Variants in GLMP observed in about 807,000 individuals in gnomAD.
The protein encoded by GLMP is glycosylated lysosomal membrane protein, also known as kidney lysosomal membrane protein.
A neutral mutation model predicts 39.2 loss-of-function variants in GLMP; 36 were observed. The ratio of observed to expected loss-of-function variants is 0.92; its 90% CI spans 0.70 to 1.21. GLMP has a LOEUF of 1.21. Ranked by LOEUF, GLMP falls within the 50% of genes most tolerant of loss-of-function variation. The pLI is 0.00. For missense variants in GLMP, 454 were observed against 505.6 expected (o/e 0.90, Z 0.98); for synonymous variants, 220 against 218.9 (o/e 1.01, Z -0.04).
intron 1 of GLMP, chr1:156,295,229 G>A: frequency 3.4e-6 from 4 of 1,193,176 alleles, no homozygotes; most frequent in Non-Finnish European, 4.4e-6. Context: ...GGTACAGCCA[G>A]GACTCCCCTG....
Position 156,293,421 on chromosome 1 carries a change from A to G in GLMP, c.954T>C (p.Ile318=). ...TCTGGGACCCAAAGAAGGCTCGGAC[A>G]ATGGGTGACTGGGGAAGAGAGTATG... The part of the protein sequence containing the change: ...ALAYSLPQSP[I]VRAFFGSQNN... Residue 318 remains isoleucine (I), a synonymous_variant, in exon 5 of 6, where the codon ATT becomes ATC. Transcript: ENST00000362007. 1 of 1,614,192 alleles carries G rather than the reference A, an allele frequency of 6.2e-7. No individual in the cohort carries two copies. Among genetic ancestry groups the G allele is most frequent in the South Asian group, 1.1e-5 (1 of 91,086 alleles).
At chr1:156,294,728 CTT>C (rs771534839) in intron 2 of GLMP, 29 bp downstream of exon 2, 10 of 1,548,170 alleles carry the variant, frequency 6.5e-6, no homozygotes, top group Non-Finnish European at 8.7e-6. Flanking sequence ...CCTCTGCACT[CTT>C]CTCCTTGGTT....
Position 156,294,912 on chromosome 1 carries a change from C to G in GLMP, c.225G>C (p.Leu75=). The G allele has an allele frequency of 6.2e-7, 1 of 1,612,938 alleles. No homozygotes were observed. The highest frequency in any genetic ancestry group is 8.5e-7 in the Non-Finnish European group (1 of 1,179,570). The change falls in exon 2 of 6, where the codon CTG becomes CTC. Residue 75 remains leucine, a synonymous_variant. Transcript: ENST00000362007. Reference sequence around the variant, plus strand: ...CCACCATTACCACTGCCAGAGGCCCCAGGCTGCTCCACACATAGTGCAGTG... The same window carrying G: ...CCACCATTACCACTGCCAGAGGCCCGAGGCTGCTCCACACATAGTGCAGTG... The part of the protein sequence containing the change: ...NSTLHYVWSS[L]GPLAVVMVAT...
chr1:156,295,092 G>C (rs1663556441), intron 1 of GLMP, 76 bp from the exon 2 acceptor site: 3 of 1,235,670 alleles, frequency 2.4e-6, no homozygotes, highest in East Asian at 2.4e-5. Context: ...CTTGAGGGGA[G>C]GGGGGCTTGG....
At chr1:156,295,279 A>C (rs757282504) in intron 1 of GLMP, 7 of 1,339,130 alleles carry the variant, frequency 5.2e-6, no homozygotes, top group Non-Finnish European at 6.7e-6. Context: ...TGCGAAGAAG[A>C]AAACATTCAA....
chr1:156,293,080 G>C lies in GLMP; in HGVS notation c.1185C>G (p.His395Gln). 6.2e-7 allele frequency: 1 copy of C among 1,614,126 alleles called. No individual in the cohort carries two copies. Among genetic ancestry groups the C allele is most frequent in the Non-Finnish European group, 8.5e-7 (1 of 1,180,032 alleles). Reference sequence around the variant, plus strand: ...ACTGGTACTCTGAGTACTTCTTGTGGTGCAGCAGCAGAACCAAGCCGCCCC... The same window carrying C: ...ACTGGTACTCTGAGTACTTCTTGTGCTGCAGCAGCAGAACCAAGCCGCCCC... ...LLGGGLVLLL[H>Q]HKKYSEYQSI... is the part of the protein sequence containing the mutation. The change falls in exon 6 of 6, where the codon CAC becomes CAG. Residue 395 changes from histidine (H) to glutamine (Q), a missense_variant. By Grantham distance (24) the His-to-Gln change is conservative (BLOSUM62 0). Transcript: ENST00000362007.
Position 156,292,938 on chromosome 1 carries a change from A to C in GLMP, c.*106T>G, listed in dbSNP as rs931313391. The C allele has an allele frequency of 2.1e-6, 3 of 1,429,086 alleles. No individual in the cohort carries two copies. Among genetic ancestry groups the C allele is most frequent in the Non-Finnish European group, 2.8e-6 (3 of 1,054,432 alleles). The allele number at this position is 1,429,086 out of a possible 1,614,324, so 88.5% of individuals were successfully genotyped here. On this transcript the variant is annotated 3_prime_UTR_variant, in exon 6 of 6. Transcript: ENST00000362007. ...GCCTCTGAGGTTCCACAGAAAAGCA[A>C]GATGGGGGAGTGAAGGGGCCGGCTG...
chr1:156,292,765 C>G lies in GLMP; in HGVS notation c.*279G>C. ...TCAGAATGCCTCTCATTTAGGCCTG[C>G]AAGTCCCATCCAAGGGAAATGTGTG... On this transcript the variant is annotated 3_prime_UTR_variant, in exon 6 of 6. Transcript: ENST00000362007. The G allele has an allele frequency of 2.3e-6, 1 of 433,244 alleles. No homozygotes were observed. The highest frequency in any genetic ancestry group is 2.0e-5 in the African/African-American group (1 of 49,484). The allele number at this position is 433,244 out of a possible 1,614,324, so 26.8% of individuals were successfully genotyped here. A position where few individuals can be genotyped will look rare whatever the true frequency, so the allele number is the denominator to read the frequency against.
At position 156,294,542 on chromosome 1, in the gene GLMP, G is replaced by A. The variant is rs147299774; in HGVS notation, c.402C>T (p.Asn134=). The change falls in exon 3 of 6, where the codon AAC becomes AAT. Residue 134 remains asparagine, a synonymous_variant. Coordinates refer to ENST00000362007, the MANE Select transcript of GLMP (RefSeq NM_144580.3). ...AAGGCTTTGCTGCCGTATCGGACAC[G>A]TTGGTGCTGTCAAACTCAAGCAGCT... ...FTRLLEFDST[N]VSDTAAKPLG... is the part of the protein sequence containing the mutation. 5.7e-5 allele frequency: 92 copies of A among 1,613,908 alleles called. 1 individual carries two copies. The Admixed American group carries it at 1.1e-3, about 20-fold the overall frequency.
In GLMP at chr1:156,292,949, T is replaced by A; in HGVS notation, c.*95A>T. Reference sequence around the variant, plus strand: ...TCCACAGAAAAGCAAGATGGGGGAGTGAAGGGGCCGGCTGGAACTTGATGC... The same window carrying A: ...TCCACAGAAAAGCAAGATGGGGGAGAGAAGGGGCCGGCTGGAACTTGATGC... On this transcript the variant is annotated 3_prime_UTR_variant, in exon 6 of 6. Coordinates refer to ENST00000362007, the MANE Select transcript of GLMP (RefSeq NM_144580.3). The A allele has an allele frequency of 1.4e-6, 2 of 1,458,778 alleles. No homozygotes were observed. Among genetic ancestry groups the A allele is most frequent in the South Asian group, 1.4e-5 (1 of 71,306 alleles). The allele number at this position is 1,458,778 out of a possible 1,614,324, so 90.4% of individuals were successfully genotyped here.
At position 156,294,383 on chromosome 1, in the gene GLMP, A is replaced by C; in HGVS notation, c.561T>G (p.Asn187Lys). Reference protein sequence around the residue: ...PMNDPTRTFANGSLAFRVQAF... With the variant: ...PMNDPTRTFAKGSLAFRVQAF... ...GCCTTACCCTGAAGGCCAGGCTGCC[A>C]TTGGCAAAAGTCCTGGTAGGGTCGT... Residue 187 changes from asparagine to lysine, a missense_variant, in exon 3 of 6, where the codon AAT becomes AAG. Physicochemically the swap from Asn to Lys is moderately conservative, Grantham distance 94 (BLOSUM62 0). Coordinates refer to ENST00000362007, the MANE Select transcript of GLMP (RefSeq NM_144580.3). The C allele has an allele frequency of 6.2e-7, 1 of 1,614,182 alleles. No individual in the cohort carries two copies. Among genetic ancestry groups the C allele is most frequent in the African/African-American group, 1.3e-5 (1 of 75,048 alleles).
At chr1:156,293,249 G>A (rs761497655) in intron 5 of GLMP, 40 bp from the exon 6 acceptor site, 1 of 1,610,448 alleles carries the variant, frequency 6.2e-7, no homozygotes, top group Non-Finnish European at 8.5e-7. Context: ...GGGCTTAGGA[G>A]GAAAGGCTGG....
In GLMP at chr1:156,293,551, A is replaced by T. The variant is rs1260632478; in HGVS notation, c.824T>A (p.Leu275His). 15 of 1,614,008 alleles carry T rather than the reference A, an allele frequency of 9.3e-6. No individual in the cohort carries two copies. The highest frequency in any genetic ancestry group is 1.7e-5 in the Admixed American group (1 of 60,000). ...FQLDQLLWGS[L>H]PSGFAQWRPV... is the part of the protein sequence containing the mutation. ...TCGCCACTGTGCAAAGCCTGATGGG[A>T]GGGAGCCCCACAGTAGCTGGTCCAA... The change falls in exon 5 of 6, where the codon CTC (leucine) becomes CAC (histidine). Residue 275 changes from leucine (L) to histidine (H), a missense_variant. Transcript: ENST00000362007.
chr1:156,295,432 C>A (rs1386773864), intron 1 of GLMP, 94 bp downstream of exon 1: 1 of 1,415,796 alleles, frequency 7.1e-7, no homozygotes, highest in Non-Finnish European at 9.2e-7. Flanking sequence ...TTGGCAGCCA[C>A]CCTCCACCCC....
rs781675662 is a variant in GLMP, at chr1:156,293,397, C to T, written c.978G>A (p.Gln326=). Residue 326 remains glutamine, a synonymous_variant, in exon 5 of 6, where the codon CAG becomes CAA. Coordinates refer to ENST00000362007, the MANE Select transcript of GLMP (RefSeq NM_144580.3). ...SPIVRAFFGS[Q]NNFCAFNLTF... ...TCAGATTGAAGGCACAGAAGTTATT[C>T]TGGGACCCAAAGAAGGCTCGGACAA... 2 of 1,614,212 alleles carry T rather than the reference C, an allele frequency of 1.2e-6. No homozygotes were observed. Among genetic ancestry groups the T allele is most frequent in the Admixed American group, 1.7e-5 (1 of 60,024 alleles).
chr1:156,293,307 C>G lies in GLMP; in HGVS notation c.1055+13G>C. 1 of 1,614,088 alleles carries G rather than the reference C, an allele frequency of 6.2e-7. No homozygotes were observed. Among genetic ancestry groups the G allele is most frequent in the Non-Finnish European group, 8.5e-7 (1 of 1,179,962 alleles). On this transcript the variant is annotated intron_variant, in intron 5 of 5. Transcript: ENST00000362007. ...CAACTCCCCAAGTCCCCGGCCCAAACCCTGGCTCTCACCAGCTGAGGTAGT... is the reference window on the plus strand; with the variant it reads ...CAACTCCCCAAGTCCCCGGCCCAAAGCCTGGCTCTCACCAGCTGAGGTAGT...
rs550901956 is a variant in GLMP, at chr1:156,294,044, C to T, written c.772G>A (p.Asp258Asn). The T allele has an allele frequency of 1.7e-5, 27 of 1,613,648 alleles. No individual in the cohort carries two copies. The highest frequency in any genetic ancestry group is 2.2e-5 in the South Asian group (2 of 91,060). ...TGGAAGACGGCCGGTGCATATTCAT[C>T]GTCGATGGAGTGCTGCTCCTGCATT... ...PSMQEQHSID[D>N]EYAPAVFQLD... Residue 258 changes from aspartate (D) to asparagine (N), a missense_variant, in exon 4 of 6, where the codon GAT (aspartate) becomes AAT (asparagine). By Grantham distance (23) the Asp-to-Asn change is conservative. Transcript: ENST00000362007.
At chr1:156,293,933 A>G (rs1663478706) in intron 4 of GLMP, 85 bp downstream of exon 4, 1 of 1,487,798 alleles carries the variant, frequency 6.7e-7, no homozygotes, top group Non-Finnish European at 9.4e-7. Context: ...GTGTTGCTAA[A>G]TGGCAAATGG....
In GLMP at chr1:156,294,975, C is replaced by T. The variant is rs766578622; in HGVS notation, c.162G>A (p.Gln54=). The change falls in exon 2 of 6, where the codon CAG becomes CAA. Residue 54 remains glutamine, a synonymous_variant. Transcript: ENST00000362007. The part of the protein sequence containing the change: ...EVIPNWLGPL[Q]NLLHIRAVGT... The stretch of plus-strand genomic sequence containing the variant: ...CCACTGCCCGTATATGAAGCAGGTT[C>T]TGCAGGGGGCCCAGCCAGTTAGGGA... The T allele has an allele frequency of 3.8e-6, 6 of 1,591,888 alleles. No homozygotes were observed. The highest frequency in any genetic ancestry group is 1.7e-6 in the Non-Finnish European group (2 of 1,164,982).
Sources: gnomAD v4.1 joint callset for allele counts on GRCh38, gnomAD v4.1.1 for gene constraint, MANE v1.5 for transcripts, NCBI Gene and HGNC (gene_info 2026-07-23, HGNC 2026-07-21) for gene names.